Variants in DPYSL3 observed in about 807,000 individuals in gnomAD.
DPYSL3 encodes dihydropyrimidinase like 3, also known as dihydropyrimidinase-related protein 3.
A neutral mutation model predicts 66.1 loss-of-function variants in DPYSL3; 16 were observed. The ratio of observed to expected loss-of-function variants is 0.24; its 90% CI spans 0.16 to 0.37. The LOEUF is 0.37. Ranked by LOEUF, DPYSL3 falls within the 10% of genes least tolerant of loss-of-function variation. The pLI is 1.00. For synonymous variants in DPYSL3, 338 were observed against 345.1 expected (o/e 0.98, Z 0.23); for missense variants, 738 against 916.2 (o/e 0.81, Z 2.51).
intron 8 of DPYSL3, 97 bp from the exon 9 acceptor site, chr5:147,401,793 TGTCTCAGA>T: frequency 6.9e-7 from 1 of 1,454,088 alleles, no homozygotes; most frequent in South Asian, 1.3e-5. Flanking sequence ...CCCAGGACTG[TGTCTCAGA>T]GTCAGACTGA....
chr5:147,400,962 T>G, intron 9 of DPYSL3, 129 bp from the exon 10 acceptor site: 5 of 1,193,338 alleles, frequency 4.2e-6, no homozygotes, highest in Middle Eastern at 2.2e-4. Flanking sequence ...CCTCTACCTC[T>G]TACTAGATAT....
intron 9 of DPYSL3, 148 bp from the exon 10 acceptor site, chr5:147,400,981 G>A: frequency 1.8e-6 from 2 of 1,100,930 alleles, no homozygotes; most frequent in Non-Finnish European, 2.5e-6. Flanking sequence ...ATATGAGCTT[G>A]GATGAGTTTC....
intron 10 of DPYSL3, among the ~76,000 whole-genome samples, 164 bp from the exon 11 acceptor site, chr5:147,399,416 C>G (rs551152546): frequency 6.6e-6 from 1 of 152,182 alleles, no homozygotes; most frequent in South Asian, 2.1e-4. Flanking sequence ...CTCGAATTAG[C>G]TGGGCTGTCG....
rs1369407412 is a variant in DPYSL3 at position 147,399,173 on chromosome 5, C to T, written c.1532G>A (p.Arg511His). ...NAAKIFNLYP[R>H]KGRISVGSDS... ...AGAACCCACAGATATTCTTCCCTTG[C>T]GGGGATACAGGTTGAAGATCTTGGC... Residue 511 changes from arginine to histidine, a missense_variant, in exon 11 of 14, where the codon CGC becomes CAC. Arg to His is a conservative substitution (Grantham distance 29). Coordinates refer to ENST00000343218, the MANE Select transcript of DPYSL3 (RefSeq NM_001197294.2). 7 of 1,614,200 alleles carry T rather than the reference C, an allele frequency of 4.3e-6. No homozygotes were observed. The highest frequency in any genetic ancestry group is 1.7e-5 in the Admixed American group (1 of 60,024).
intron 1 of DPYSL3, among the ~76,000 whole-genome samples, chr5:147,485,874 A>G (rs1753321526): frequency 6.6e-6 from 1 of 152,260 alleles, no homozygotes; most frequent in African/African-American, 2.4e-5. Flanking sequence ...ATTTGTGAAC[A>G]GAATTAATTA....
Position 147,417,044 on chromosome 5 carries a change from G to A in DPYSL3, c.656-1171C>T, listed in dbSNP as rs146774853. Among the ~76,000 whole-genome samples the A allele has an allele frequency of 7.6e-4, 116 of 152,324 alleles. 1 individual carries two copies. In the East Asian group the frequency reaches 0.022, roughly 29 times the overall value. On this transcript the variant is annotated intron_variant, in intron 3 of 13. Coordinates refer to ENST00000343218, the MANE Select transcript of DPYSL3 (RefSeq NM_001197294.2). ...TATACAGCCAAACTCTAACAGCGATGTGGGATTAGGAGGTTTATTTTCTTT... is the reference window on the plus strand; with the variant it reads ...TATACAGCCAAACTCTAACAGCGATATGGGATTAGGAGGTTTATTTTCTTT...
chr5:147,491,421 G>A (rs544103651), intron 1 of DPYSL3, among the ~76,000 whole-genome samples: 4 of 152,276 alleles, frequency 2.6e-5, no homozygotes, highest in East Asian at 1.9e-4. Context: ...GCAGAAAACC[G>A]AGTGTGAAGA....
chr5:147,400,863 A>AGGGGAGATGGCTGGAG (rs1264754535), intron 9 of DPYSL3, 30 bp from the exon 10 acceptor site: 8 of 1,606,246 alleles, frequency 5.0e-6, no homozygotes, highest in Admixed American at 3.3e-5. Flanking sequence ...CCACATGAAC[A>AGGGGAGATGGCTGGAG]GGGGAGATGG....
intron 1 of DPYSL3, among the ~76,000 whole-genome samples, chr5:147,467,920 TGAATG>T (rs1212438435): frequency 6.6e-6 from 1 of 152,216 alleles, no homozygotes; most frequent in African/African-American, 2.4e-5. Context: ...CTCACCTGGC[TGAATG>T]GGCAAGACAG....
chr5:147,396,540 CAAG>C (rs1757979646), intron 12 of DPYSL3, among the ~76,000 whole-genome samples: 2 of 152,160 alleles, frequency 1.3e-5, no homozygotes. Context: ...TGGATCATCA[CAAG>C]AAGTCCTGTC....
At chr5:147,502,496 G>A (rs1403603200) in intron 1 of DPYSL3, among the ~76,000 whole-genome samples, 2 of 150,790 alleles carry the variant, frequency 1.3e-5, no homozygotes, top group African/African-American at 4.9e-5. Context: ...TCTTACTGCT[G>A]ATCTCTTTGG....
intron 1 of DPYSL3, among the ~76,000 whole-genome samples, chr5:147,505,120 A>T (rs1753667163): frequency 6.6e-6 from 1 of 152,232 alleles, no homozygotes; most frequent in Admixed American, 6.5e-5. Context: ...TTTTAGTAAC[A>T]TGAATGCCTA....
rs894027545 is a variant in DPYSL3 at position 147,395,499 on chromosome 5, C to G, written c.1966+60G>C. 3 of 1,551,470 alleles carry G rather than the reference C, an allele frequency of 1.9e-6. No individual in the cohort carries two copies. In the East Asian group the frequency reaches 7.2e-5, roughly 37 times the overall value. On this transcript the variant is annotated intron_variant, in intron 13 of 13. Coordinates refer to ENST00000343218, the MANE Select transcript of DPYSL3 (RefSeq NM_001197294.2). The stretch of plus-strand genomic sequence containing the variant: ...AGTTCTGAGGAACACCCTGTGGCCT[C>G]AGAACATTGATCTTCCCCTTCCCCC...
At chr5:147,410,662 C>T (rs528667064) in intron 6 of DPYSL3, among the ~76,000 whole-genome samples, 16 of 152,258 alleles carry the variant, frequency 1.1e-4, no homozygotes, top group East Asian at 3.9e-4. Context: ...AAGATGCTGT[C>T]GTCTTAGACT....
At chr5:147,502,376 T>TACACAC (rs10561693) in intron 1 of DPYSL3, among the ~76,000 whole-genome samples, 4,560 of 149,462 alleles carry the variant, frequency 0.031, 149 homozygotes, top group East Asian at 0.085. Context: ...ATGTCACAGA[T>TACACAC]ACACACACAC....
At chr5:147,396,499 C>T (rs186746151) in intron 12 of DPYSL3, among the ~76,000 whole-genome samples, 66 of 152,310 alleles carry the variant, frequency 4.3e-4, no homozygotes, top group African/African-American at 1.3e-3. Flanking sequence ...GCAATGAGGA[C>T]GCGCTGCCAG....
rs374875662 is a variant in DPYSL3 at position 147,453,621 on chromosome 5, C to T, written c.382-28658G>A. ...TGGTGGCTGCAGCGGCTGGCTCCCT[C>T]CCTCCTTCTTCTGCTCCGGCTCGCC... On this transcript the variant is annotated intron_variant, in intron 1 of 13. Transcript: ENST00000343218. 5.2e-6 allele frequency: 8 copies of T among 1,525,286 alleles called. No individual in the cohort carries two copies. In the African/African-American group the frequency reaches 1.1e-4, roughly 22 times the overall value. 94.5% of individuals were successfully genotyped at this position (1,525,286 alleles called of 1,614,324 possible). A position where few individuals can be genotyped will look rare whatever the true frequency, so the allele number is the denominator to read the frequency against.
rs199509765 is a variant in DPYSL3, at chr5:147,480,545, T to C, written c.381+28933A>G. Among the ~76,000 whole-genome samples the C allele has an allele frequency of 1.1e-4, 17 of 152,234 alleles. 1 individual carries two copies. The highest frequency in any genetic ancestry group is 9.6e-4 in the East Asian group (5 of 5,186). Reference sequence around the variant, plus strand: ...TGGCTATGTTAATTATCTTGTCCAATGTCACACAGCTGGTAAGCAGCATAA... The same window carrying C: ...TGGCTATGTTAATTATCTTGTCCAACGTCACACAGCTGGTAAGCAGCATAA... On this transcript the variant is annotated intron_variant, in intron 1 of 13. Transcript: ENST00000343218.
At chr5:147,490,777 G>A (rs927702611) in intron 1 of DPYSL3, among the ~76,000 whole-genome samples, 1 of 152,152 alleles carries the variant, frequency 6.6e-6, no homozygotes, top group Non-Finnish European at 1.5e-5. Context: ...ACAGGAAGCA[G>A]CCTGGGATAG....
Sources: allele counts gnomAD v4.1 joint callset (sites outside exome capture counted in the v4.1 genomes callset), GRCh38; gene constraint gnomAD v4.1.1; transcripts MANE v1.5; gene names NCBI Gene and HGNC (gene_info 2026-07-23, HGNC 2026-07-21).